The following PPP4R4 variants were observed in gnomAD, a reference collection of about 807,000 sequenced individuals.
PPP4R4 encodes serine/threonine-protein phosphatase 4 regulatory subunit 4.
A neutral mutation model predicts 121.8 loss-of-function variants in PPP4R4; 70 were observed. That is an observed-to-expected ratio of 0.57 (90% CI 0.47 to 0.70). The LOEUF is 0.70. Ranked by LOEUF, PPP4R4 falls within the 30% of genes least tolerant of loss-of-function variation. The probability of loss-of-function intolerance (pLI) is 0.00; values close to 1 mark genes in which losing one functional copy is unlikely to be tolerated. For missense variants in PPP4R4, 875 were observed against 1,033.6 expected (o/e 0.85, Z 2.10); for synonymous variants, 348 against 355.7 (o/e 0.98, Z 0.24).
intron 19 of PPP4R4, among the ~76,000 whole-genome samples, chr14:94,263,033 T>C (rs1893864470): frequency 6.6e-6 from 1 of 152,128 alleles, no homozygotes; most frequent in Non-Finnish European, 1.5e-5. Flanking sequence ...CTCTGGACAC[T>C]TTAAATATTT....
At position 94,244,774 on chromosome 14, in the gene PPP4R4, C is replaced by T. The variant is rs1892804962; in HGVS notation, c.1344+62C>T. The stretch of plus-strand genomic sequence containing the variant: ...ATGTTTGGTCCAAATATACCAATGC[C>T]TTTTCTCCCCTTCTTCTTGGAATCG... On this transcript the variant is annotated intron_variant, in intron 12 of 24. Coordinates refer to ENST00000304338, the MANE Select transcript of PPP4R4 (RefSeq NM_058237.2). The T allele has an allele frequency of 2.2e-6, 3 of 1,381,716 alleles. No individual in the cohort carries two copies. In the Admixed American group the frequency reaches 8.6e-5, roughly 39 times the overall value. The allele number at this position is 1,381,716 out of a possible 1,614,324, so 85.6% of individuals were successfully genotyped here.
chr14:94,234,746 G>A, intron 7 of PPP4R4, 77 bp downstream of exon 7: 2 of 1,047,680 alleles, frequency 1.9e-6, no homozygotes, highest in African/African-American at 1.6e-5. Flanking sequence ...CTTTAAAAAT[G>A]ATCATAACAA....
chr14:94,237,627 G>A lies in PPP4R4; in HGVS notation c.794G>A (p.Ser265Asn), dbSNP rs779725795. 7 of 1,611,994 alleles carry A rather than the reference G, an allele frequency of 4.3e-6. No individual in the cohort carries two copies. In the South Asian group the frequency reaches 4.4e-5, roughly 10 times the overall value. ...ELIELSRDEGSSVRLAAFETL... is the reference protein window; with the variant it reads ...ELIELSRDEGNSVRLAAFETL... ...ATAGAACTTTCTAGGGATGAAGGCA[G>A]CAGTGTACGACTTGCAGCTTTTGAA... Residue 265 changes from serine to asparagine, a missense_variant, in exon 8 of 25, where the codon AGC becomes AAC. Transcript: ENST00000304338.
At chr14:94,191,499 A>T (rs76118548) in intron 2 of PPP4R4, among the ~76,000 whole-genome samples, 2,923 of 152,258 alleles carry the variant, frequency 0.019, 90 homozygotes, top group African/African-American at 0.066. Flanking sequence ...TTGTGTTGTG[A>T]ACATTCAGAA....
At chr14:94,239,363 G>A (rs111780981) in intron 8 of PPP4R4, among the ~76,000 whole-genome samples, 3,545 of 77,018 alleles carry the variant, frequency 0.046, 162 homozygotes, top group Middle Eastern at 0.19. Flanking sequence ...CCCACCCCAC[G>A]ACAGGCCCCG....
chr14:94,265,714 G>T, intron 21 of PPP4R4, 80 bp from the exon 22 acceptor site: 1 of 1,047,538 alleles, frequency 9.5e-7, no homozygotes, highest in South Asian at 1.5e-5. Flanking sequence ...TGAAAATGAT[G>T]GTAGTTGGGG....
At chr14:94,224,736 G>A (rs1009303905) in intron 3 of PPP4R4, among the ~76,000 whole-genome samples, 6 of 152,126 alleles carry the variant, frequency 3.9e-5, no homozygotes, top group Admixed American at 6.5e-5. Context: ...TTGTATATAC[G>A]GATGTGATAC....
intron 24 of PPP4R4, 77 bp from the exon 25 acceptor site, chr14:94,278,542 A>AT: frequency 6.8e-6 from 6 of 885,042 alleles, no homozygotes; most frequent in Non-Finnish European, 1.0e-5. Flanking sequence ...CATTTTTCAT[A>AT]TTTTTTTCTT....
chr14:94,266,913 A>G (rs1249424149), intron 22 of PPP4R4, 46 bp from the exon 23 acceptor site: 2 of 1,249,004 alleles, frequency 1.6e-6, no homozygotes, highest in African/African-American at 3.0e-5. Context: ...CTGAGATTGT[A>G]AGAAGTGTGT....
chr14:94,202,642 C>CA (rs1322223172), intron 2 of PPP4R4, among the ~76,000 whole-genome samples: 1 of 152,092 alleles, frequency 6.6e-6, no homozygotes, highest in Admixed American at 6.5e-5. Context: ...GTGAGGTATC[C>CA]ATGTGTTTTT....
chr14:94,263,111 A>G (rs1363422945), intron 19 of PPP4R4, among the ~76,000 whole-genome samples: 40 of 152,074 alleles, frequency 2.6e-4, no homozygotes, highest in Admixed American at 2.1e-3. Context: ...CTTGAAATTT[A>G]TCCAGTTTGG....
Position 94,265,380 on chromosome 14 carries a change from A to G in PPP4R4, c.2198-7A>G. On this transcript the variant is annotated splice_region_variant and splice_polypyrimidine_tract_variant and intron_variant, in intron 20 of 24. Transcript: ENST00000304338. ...AATTATACAACTTAAAGCAGAATTT[A>G]TTTTAGGTAGAGACACTAAGACACC... The G allele has an allele frequency of 6.3e-7, 1 of 1,595,068 alleles. No individual in the cohort carries two copies. Among genetic ancestry groups the G allele is most frequent in the Non-Finnish European group, 8.6e-7 (1 of 1,163,016 alleles).
chr14:94,191,651 A>G (rs1397565821), intron 2 of PPP4R4, among the ~76,000 whole-genome samples: 1 of 152,176 alleles, frequency 6.6e-6, no homozygotes, highest in Non-Finnish European at 1.5e-5. Context: ...AGTGTTCTCT[A>G]TATCATTGAT....
chr14:94,234,881 T>C (rs561572303), intron 7 of PPP4R4, among the ~76,000 whole-genome samples: 83 of 152,314 alleles, frequency 5.4e-4, no homozygotes, highest in African/African-American at 1.9e-3. Context: ...TCCAGACACC[T>C]AGATTCAGGA....
intron 3 of PPP4R4, among the ~76,000 whole-genome samples, chr14:94,226,001 G>A (rs1396282622): frequency 6.6e-6 from 1 of 152,034 alleles, no homozygotes; most frequent in Non-Finnish European, 1.5e-5. Flanking sequence ...AGAAGGAATG[G>A]TTCTTTATCA....
chr14:94,241,909 G>A lies in PPP4R4; in HGVS notation c.1098G>A (p.Gln366=). The change falls in exon 10 of 25, where the codon CAG becomes CAA. Residue 366 remains glutamine, a synonymous_variant. Coordinates refer to ENST00000304338, the MANE Select transcript of PPP4R4 (RefSeq NM_058237.2). ...ENQIPPQILE[Q]EKKYISVRKN... is the part of the protein sequence containing the mutation. Reference sequence around the variant, plus strand: ...AGATTCCACCCCAAATCCTAGAGCAGGAGAAGAAATATATTTCAGTACGGA... The same window carrying A: ...AGATTCCACCCCAAATCCTAGAGCAAGAGAAGAAATATATTTCAGTACGGA... 1 of 1,610,024 alleles carries A rather than the reference G, an allele frequency of 6.2e-7. No homozygotes were observed. Among genetic ancestry groups the A allele is most frequent in the South Asian group, 1.1e-5 (1 of 90,270 alleles).
chr14:94,206,123 T>G (rs145358738), intron 2 of PPP4R4, among the ~76,000 whole-genome samples: 1 of 152,136 alleles, frequency 6.6e-6, no homozygotes, highest in African/African-American at 2.4e-5. Flanking sequence ...CTCATCAGTT[T>G]TTGCATCACA....
At chr14:94,261,257 C>T (rs1022431279) in intron 19 of PPP4R4, among the ~76,000 whole-genome samples, 5 of 152,046 alleles carry the variant, frequency 3.3e-5, no homozygotes, top group Admixed American at 2.6e-4. Flanking sequence ...ATTGCTTTGG[C>T]CAGTCTAGGG....
chr14:94,187,983 C>T (rs1889378395), intron 2 of PPP4R4, among the ~76,000 whole-genome samples: 1 of 152,184 alleles, frequency 6.6e-6, no homozygotes, highest in Admixed American at 6.5e-5. Context: ...TGCCAGGTTT[C>T]TCCACTGTGG....
Sources: gnomAD v4.1 joint callset for allele counts (sites outside exome capture counted in the v4.1 genomes callset) on GRCh38, gnomAD v4.1.1 for gene constraint, MANE v1.5 for transcripts, NCBI Gene and HGNC (gene_info 2026-07-23, HGNC 2026-07-21) for gene names.